CACNA1C: variants seen among roughly 807,000 people sequenced by gnomAD.
CACNA1C encodes the protein calcium voltage-gated channel subunit alpha1 C.
In CACNA1C, 30 loss-of-function variants were observed where a neutral mutation model predicts 229.0. The ratio of observed to expected loss-of-function variants is 0.13; its 90% CI spans 0.10 to 0.18. The LOEUF is 0.18. CACNA1C is among the 10% of genes least tolerant of loss of function. The probability of loss-of-function intolerance (pLI) is 1.00; values close to 1 mark genes in which losing one functional copy is unlikely to be tolerated. For synonymous variants in CACNA1C, 1,114 were observed against 1,132.5 expected, an observed-to-expected ratio of 0.98 and a Z score of 0.33; for missense variants, 1,658 against 2,845.0, an observed-to-expected ratio of 0.58 and a Z score of 9.49.
chr12:2,168,901 C>T (rs1033420488), intron 3 of CACNA1C, among the ~76,000 whole-genome samples: 2 of 152,120 alleles, frequency 1.3e-5, no homozygotes, highest in Non-Finnish European at 2.9e-5. Context: ...GAAAATGAGG[C>T]TTCCTGAGCC....
intron 5 of CACNA1C, among the ~76,000 whole-genome samples, chr12:2,478,923 T>A (rs968278740): frequency 6.6e-5 from 10 of 152,210 alleles, no homozygotes; most frequent in Non-Finnish European, 1.3e-4. Context: ...GGAACCTTGA[T>A]CATCTGGGGA....
intron 3 of CACNA1C, among the ~76,000 whole-genome samples, chr12:2,293,806 G>A (rs936433723): frequency 3.9e-5 from 6 of 152,026 alleles, no homozygotes; most frequent in Admixed American, 6.5e-5. Flanking sequence ...TCCCTACCAC[G>A]GCCTAAAATA....
chr12:2,296,659 C>A (rs180993602), intron 3 of CACNA1C, among the ~76,000 whole-genome samples: 7 of 152,308 alleles, frequency 4.6e-5, no homozygotes, highest in African/African-American at 1.7e-4. Context: ...TATCTAAATT[C>A]TCTACCGTAG....
chr12:2,044,181 T>C (rs560172171), intron 1 of CACNA1C, among the ~76,000 whole-genome samples: 3 of 152,282 alleles, frequency 2.0e-5, no homozygotes, highest in South Asian at 4.1e-4. Context: ...CCTTGGGAGA[T>C]TGAAACTTAC....
At position 2,504,317 on chromosome 12, in the gene CACNA1C, T is replaced by C. The variant is rs530390550; in HGVS notation, c.1114-525T>C. 2.1e-5 allele frequency: 14 copies of C among 665,108 alleles called. No homozygotes were observed. In the Admixed American group the frequency reaches 2.4e-4, roughly 11 times the overall value. The allele number at this position is 665,108 out of a possible 1,614,324, so 41.2% of individuals were successfully genotyped here. ...GGTAACACGGGTAACCTGGTGCACA[T>C]GAACAAAGCCCACGTTCAGCCCCGT... On this transcript the variant is annotated intron_variant, in intron 7 of 46. Transcript: ENST00000399655. The surrounding 1 kb of genome is among the most constrained non-coding windows in gnomAD (Gnocchi z 6.8).
intron 9 of CACNA1C, among the ~76,000 whole-genome samples, chr12:2,529,588 T>C (rs2238088): frequency 0.12 from 18,576 of 152,220 alleles, 1,311 homozygotes; most frequent in African/African-American, 0.18. Flanking sequence ...TAGGCCTGCT[T>C]TGTCACTTTG....
intron 3 of CACNA1C, among the ~76,000 whole-genome samples, chr12:2,157,404 AG>A (rs1269479535): frequency 1.3e-5 from 2 of 152,236 alleles, no homozygotes; most frequent in East Asian, 3.8e-4. Context: ...ATAAAGCAAG[AG>A]GTCTGCATGG....
At chr12:1,991,149 G>A (rs779203411) in intron 1 of CACNA1C, 1 of 456,156 alleles carries the variant, frequency 2.2e-6, no homozygotes, top group Non-Finnish European at 4.4e-6. Context: ...TTTAATAGTA[G>A]AGCAGTACAG....
chr12:2,340,081 C>T, intron 3 of CACNA1C, among the ~76,000 whole-genome samples: 1 of 152,142 alleles, frequency 6.6e-6, no homozygotes, highest in Non-Finnish European at 1.5e-5. Context: ...GTGAAGGTGT[C>T]CTGGTGTTCA....
chr12:2,084,849 C>T (rs969932440), intron 1 of CACNA1C, among the ~76,000 whole-genome samples: 6 of 152,168 alleles, frequency 3.9e-5, no homozygotes, highest in Non-Finnish European at 7.3e-5. Flanking sequence ...TATGTTTATG[C>T]AGTGAATTTT....
rs571785505 is a variant in CACNA1C at position 2,066,908 on chromosome 12, A to T, written c.49+13297A>T. On this transcript the variant is annotated intron_variant, in intron 1 of 46. Coordinates refer to ENST00000399655, the MANE Select transcript of CACNA1C (RefSeq NM_000719.7). ...GCAGGGGTGCTGAATCCTGGGAGGG[A>T]TGAGGCAGCTGGAGTGGGGCCTGAG... 7.4e-4 allele frequency among the ~76,000 whole-genome samples: 112 copies of T among 152,070 alleles called. 1 individual carries two copies. The highest frequency in any genetic ancestry group is 2.7e-3 in the African/African-American group (111 of 41,516).
At chr12:2,540,465 G>A (rs1010725801) in intron 9 of CACNA1C, among the ~76,000 whole-genome samples, 2 of 152,124 alleles carry the variant, frequency 1.3e-5, no homozygotes, top group Admixed American at 1.3e-4. Context: ...GGATAGATCA[G>A]GGGTCAGCTA....
At chr12:2,513,005 GTGTT>G in intron 9 of CACNA1C, 21 bp downstream of exon 9, 5 of 1,575,158 alleles carry the variant, frequency 3.2e-6, no homozygotes, top group Non-Finnish European at 4.3e-6. Context: ...GTCTTCTTCT[GTGTT>G]TGGGCTGGGT....
At position 2,689,155 on chromosome 12, in the gene CACNA1C, C is replaced by T. The variant is rs967102408; in HGVS notation, c.6117+376C>T. ...CCTGGGGAGCTTTGGAAACCCGGGA[C>T]AGATTAACTGATGATTGTTAAAGCT... On this transcript the variant is annotated intron_variant, in intron 46 of 46. Coordinates refer to ENST00000399655, the MANE Select transcript of CACNA1C (RefSeq NM_000719.7). The surrounding 1 kb of genome is among the most constrained non-coding windows in gnomAD (Gnocchi z 4.2). Among the ~76,000 whole-genome samples, 5 of 152,174 alleles carry T rather than the reference C, an allele frequency of 3.3e-5. No homozygotes were observed. Among genetic ancestry groups the T allele is most frequent in the Non-Finnish European group, 7.3e-5 (5 of 68,034 alleles).
chr12:2,112,434 C>T (rs1328906265), intron 1 of CACNA1C, among the ~76,000 whole-genome samples: 6 of 77,486 alleles, frequency 7.7e-5, no homozygotes, highest in Non-Finnish European at 1.6e-4. Flanking sequence ...TCACGTCCTC[C>T]GTGAGCCTGA....
At chr12:2,363,111 C>T (rs1191585610) in intron 3 of CACNA1C, among the ~76,000 whole-genome samples, 1 of 152,144 alleles carries the variant, frequency 6.6e-6, no homozygotes, top group African/African-American at 2.4e-5. Context: ...GTATGGCCCT[C>T]CAGAGGAACA....
chr12:2,407,261 G>A (rs1005246747), intron 3 of CACNA1C, among the ~76,000 whole-genome samples: 5 of 152,230 alleles, frequency 3.3e-5, no homozygotes, highest in South Asian at 2.1e-4. Context: ...TTCTCACATC[G>A]TCTCCACCGA....
chr12:2,212,774 G>T (rs1011182861), intron 3 of CACNA1C, among the ~76,000 whole-genome samples: 3 of 152,152 alleles, frequency 2.0e-5, no homozygotes, highest in Non-Finnish European at 2.9e-5. Flanking sequence ...CTGCGGTCAT[G>T]AGGGTGACTA....
chr12:2,450,337 G>A (rs573330180), intron 4 of CACNA1C, among the ~76,000 whole-genome samples: 17 of 151,948 alleles, frequency 1.1e-4, no homozygotes, highest in South Asian at 2.1e-4. Context: ...GGCGGATCAC[G>A]AGGTCAGGAG....
Sources: gnomAD v4.1 joint callset for allele counts (sites outside exome capture counted in the v4.1 genomes callset) on GRCh38, gnomAD v4.1.1 for gene constraint, Gnocchi (gnomAD v3.1) non-coding constraint, MANE v1.5 for transcripts, NCBI Gene and HGNC (gene_info 2026-07-23, HGNC 2026-07-21) for gene names.